EIF4G3: variants seen among roughly 807,000 people sequenced by gnomAD.
EIF4G3 encodes eukaryotic translation initiation factor 4 gamma 3.
In EIF4G3, 34 loss-of-function variants were observed where a neutral mutation model predicts 186.4. The ratio of observed to expected loss-of-function variants is 0.18; its 90% CI spans 0.14 to 0.24. The LOEUF (loss-of-function observed/expected upper bound fraction) is 0.24. EIF4G3 is among the 10% of genes least tolerant of loss of function. The probability of loss-of-function intolerance (pLI) is 1.00; values close to 1 mark genes in which losing one functional copy is unlikely to be tolerated. For synonymous variants in EIF4G3, 673 were observed against 679.5 expected, an observed-to-expected ratio of 0.99 and a Z score of 0.15; for missense variants, 1,536 against 1,948.5, an observed-to-expected ratio of 0.79 and a Z score of 3.99.
chr1:21,105,412 G>A (rs377719124), intron 2 of EIF4G3, among the ~76,000 whole-genome samples: 19 of 149,496 alleles, frequency 1.3e-4, no homozygotes, highest in South Asian at 4.2e-4. Flanking sequence ...CCTATGCAAC[G>A]AGTGAAACTC....
chr1:20,871,247 T>G (rs2154553033), intron 20 of EIF4G3, among the ~76,000 whole-genome samples: 1 of 152,322 alleles, frequency 6.6e-6, no homozygotes, highest in Middle Eastern at 3.4e-3. Context: ...AGAACACATA[T>G]TCTCCTAAAT....
At chr1:20,830,828 T>C (rs2064953514) in intron 30 of EIF4G3, among the ~76,000 whole-genome samples, 1 of 152,224 alleles carries the variant, frequency 6.6e-6, no homozygotes, top group Admixed American at 6.5e-5. Flanking sequence ...GAACATAGGA[T>C]TTCCATAGAA....
intron 13 of EIF4G3, among the ~76,000 whole-genome samples, chr1:20,946,564 G>A (rs186826446): frequency 1.8e-4 from 28 of 152,206 alleles, no homozygotes; most frequent in African/African-American, 3.4e-4. Flanking sequence ...CTGAGAAACC[G>A]GAAGCTTAAT....
intron 33 of EIF4G3, among the ~76,000 whole-genome samples, chr1:20,824,330 T>G (rs1276412821): frequency 1.3e-5 from 2 of 152,214 alleles, no homozygotes; most frequent in African/African-American, 2.4e-5. Context: ...AACAAAATAC[T>G]TATTTTAAAG....
chr1:20,900,004 AC>A, intron 15 of EIF4G3, 61 bp from the exon 16 acceptor site: 1 of 1,487,918 alleles, frequency 6.7e-7, no homozygotes, highest in South Asian at 1.3e-5. Context: ...ATACATAAAA[AC>A]CTACATCTAC....
chr1:21,126,933 TAA>T (rs954836357), intron 2 of EIF4G3, among the ~76,000 whole-genome samples: 20 of 152,328 alleles, frequency 1.3e-4, no homozygotes, highest in African/African-American at 4.8e-4. Context: ...AAATGTTGTA[TAA>T]AGAGTTATTA....
At chr1:21,176,131 C>A in intron 2 of EIF4G3, 44 bp downstream of exon 2, 1 of 346,312 alleles carries the variant, frequency 2.9e-6, no homozygotes. Flanking sequence ...CCCTGGACTG[C>A]GACGACGAGA....
intron 2 of EIF4G3, among the ~76,000 whole-genome samples, chr1:21,102,723 T>G (rs1013614756): frequency 5.9e-5 from 9 of 152,218 alleles, no homozygotes; most frequent in Non-Finnish European, 1.2e-4. Context: ...CCAGGTATTC[T>G]TTATAGTCAT....
At chr1:21,048,921 A>T (rs376213669) in intron 4 of EIF4G3, among the ~76,000 whole-genome samples, 1 of 152,178 alleles carries the variant, frequency 6.6e-6, no homozygotes, top group Admixed American at 6.5e-5. Context: ...ACTACATCTG[A>T]ATGTGCCACC....
At chr1:21,041,734 T>C (rs2093594691) in intron 4 of EIF4G3, among the ~76,000 whole-genome samples, 1 of 152,160 alleles carries the variant, frequency 6.6e-6, no homozygotes, top group Non-Finnish European at 1.5e-5. Context: ...ACTTAGGGGT[T>C]TTCTATGAAA....
At position 20,853,547 on chromosome 1, in the gene EIF4G3, G is replaced by A. The variant is rs751887269; in HGVS notation, c.3551+13C>T. On this transcript the variant is annotated intron_variant, in intron 27 of 36. Transcript: ENST00000602326. ...GGCCAGCCTTGAGTAGACATAAAAA[G>A]CAGGGTTCTCACCTAGTTAAGGTCC... The A allele has an allele frequency of 2.9e-5, 46 of 1,574,886 alleles. No homozygotes were observed. The highest frequency in any genetic ancestry group is 4.5e-5 in the East Asian group (2 of 44,726).
chr1:21,151,517 C>T lies in EIF4G3; in HGVS notation c.-272+24658G>A, dbSNP rs1037382277. Among the ~76,000 whole-genome samples the T allele has an allele frequency of 9.2e-5, 14 of 151,858 alleles. 1 individual carries two copies. Among genetic ancestry groups the T allele is most frequent in the African/African-American group, 3.4e-4 (14 of 41,378 alleles). On this transcript the variant is annotated intron_variant, in intron 2 of 36. Coordinates refer to ENST00000602326, the MANE Select transcript of EIF4G3 (RefSeq NM_001391906.1). ...CCTCACAAAGTGCTGGGATTACAGG[C>T]GTGAGCCACCATGCCCAGCTTTAAT...
At chr1:20,923,459 A>G (rs900855621) in intron 14 of EIF4G3, among the ~76,000 whole-genome samples, 2 of 152,230 alleles carry the variant, frequency 1.3e-5, no homozygotes, top group Admixed American at 6.5e-5. Context: ...TCATCAAAAA[A>G]GACTGCAATT....
chr1:21,151,065 C>T (rs1364096124), intron 2 of EIF4G3, among the ~76,000 whole-genome samples: 2 of 151,982 alleles, frequency 1.3e-5, no homozygotes, highest in East Asian at 3.9e-4. Context: ...AACCAGTAAC[C>T]ACATGAACAC....
chr1:20,997,698 A>C (rs41265977), intron 6 of EIF4G3, 65 bp from the exon 7 acceptor site: 38,806 of 1,364,820 alleles, frequency 0.028, 1,159 homozygotes, highest in East Asian at 0.16. Flanking sequence ...ACCACAACAA[A>C]AACCAAAATT....
intron 20 of EIF4G3, among the ~76,000 whole-genome samples, chr1:20,874,676 A>G (rs748313209): frequency 2.0e-5 from 3 of 152,054 alleles, no homozygotes; most frequent in Non-Finnish European, 2.9e-5. Context: ...CTTTGTATTT[A>G]TTTATAGTAT....
In EIF4G3 at chr1:20,915,208, T is replaced by A. The variant is rs372220926; in HGVS notation, c.1664-10237A>T. Among the ~76,000 whole-genome samples the A allele has an allele frequency of 5.2e-3, 790 of 152,340 alleles. 3 individuals are homozygous for A. Among genetic ancestry groups the A allele is most frequent in the South Asian group, 0.016 (78 of 4,828 alleles). On this transcript the variant is annotated intron_variant, in intron 14 of 36. Transcript: ENST00000602326. ...AAGCAAGAAGATATCATCAGGTCTGTGACTCCTCTGGAGGCTCTGTGGAAG... is the reference window on the plus strand; with the variant it reads ...AAGCAAGAAGATATCATCAGGTCTGAGACTCCTCTGGAGGCTCTGTGGAAG...
At chr1:21,020,098 T>TG (rs2090309096) in intron 4 of EIF4G3, among the ~76,000 whole-genome samples, 1 of 152,208 alleles carries the variant, frequency 6.6e-6, no homozygotes, top group African/African-American at 2.4e-5. Flanking sequence ...GTGGAATAGT[T>TG]GCGTCCACTT....
At chr1:20,919,617 T>A (rs1346180316) in intron 14 of EIF4G3, among the ~76,000 whole-genome samples, 1 of 152,200 alleles carries the variant, frequency 6.6e-6, no homozygotes, top group Admixed American at 6.5e-5. Context: ...CCATTTTAAC[T>A]AATCTGAAAT....
Sources: gnomAD v4.1 joint callset for allele counts (sites outside exome capture counted in the v4.1 genomes callset) on GRCh38, gnomAD v4.1.1 for gene constraint, MANE v1.5 for transcripts, NCBI Gene and HGNC (gene_info 2026-07-23, HGNC 2026-07-21) for gene names.